Variants in COL4A2 observed in about 807,000 individuals in gnomAD.
The protein encoded by COL4A2 is collagen type IV alpha 2 chain, also known as collagen alpha-2(IV) chain.
COL4A2 carries 99 observed loss-of-function variants against 200.2 expected under a neutral mutation model. The ratio of observed to expected loss-of-function variants is 0.49; its 90% CI spans 0.42 to 0.58. The LOEUF is 0.58. COL4A2 is among the 20% of genes least tolerant of loss of function. The pLI is 0.00. For missense variants in COL4A2, 1,950 were observed against 2,314.1 expected (o/e 0.84, Z 3.23); for synonymous variants, 897 against 900.6 (o/e 1.00, Z 0.07).
intron 4 of COL4A2, among the ~76,000 whole-genome samples, chr13:110,394,501 A>G (rs993255703): frequency 6.6e-6 from 1 of 152,214 alleles, no homozygotes; most frequent in African/African-American, 2.4e-5. Flanking sequence ...CACAGCCACA[A>G]ATCCAAACAT....
intron 4 of COL4A2, among the ~76,000 whole-genome samples, chr13:110,363,873 G>C (rs540133494): frequency 2.6e-5 from 4 of 152,208 alleles, no homozygotes; most frequent in Non-Finnish European, 5.9e-5. Context: ...TGAAATTTTT[G>C]TATTTGTAGT....
At chr13:110,485,868 G>A (rs1361310574) in intron 34 of COL4A2, 32 bp downstream of exon 34, 9 of 1,609,134 alleles carry the variant, frequency 5.6e-6, no homozygotes, top group Non-Finnish European at 7.6e-6. Context: ...CCCTTGTTCT[G>A]TGAGCTCCTC....
intron 3 of COL4A2, among the ~76,000 whole-genome samples, chr13:110,309,834 C>CA (rs111468439): frequency 3.3e-5 from 5 of 151,906 alleles, no homozygotes; most frequent in Admixed American, 6.6e-5. Context: ...TACTAAAATA[C>CA]AAAAAAATCA....
chr13:110,508,271 C>T lies in COL4A2; in HGVS notation c.4881+50C>T. Reference sequence around the variant, plus strand: ...CTCCCCAACCACACCCTGCTGGGGACACAGCAAGAACAGCTGCCTTTGTGA... The same window carrying T: ...CTCCCCAACCACACCCTGCTGGGGATACAGCAAGAACAGCTGCCTTTGTGA... On this transcript the variant is annotated intron_variant, in intron 47 of 47. Transcript: ENST00000360467. The surrounding 1 kb of genome is among the most constrained non-coding windows in gnomAD (Gnocchi z 6.1). 1 of 1,595,286 alleles carries T rather than the reference C, an allele frequency of 6.3e-7. No homozygotes were observed. The highest frequency in any genetic ancestry group is 8.6e-7 in the Non-Finnish European group (1 of 1,167,800).
In COL4A2 at chr13:110,446,114, C is replaced by A. The variant is rs117188196; in HGVS notation, c.1011+232C>A. ...TGCCACTCAGGGCCACGTAGGGGTGCGCTCAGGCACAGAGGAAGCCAGCAG... is the reference window on the plus strand; with the variant it reads ...TGCCACTCAGGGCCACGTAGGGGTGAGCTCAGGCACAGAGGAAGCCAGCAG... On this transcript the variant is annotated intron_variant, in intron 17 of 47. Coordinates refer to ENST00000360467, the MANE Select transcript of COL4A2 (RefSeq NM_001846.4). Among the ~76,000 whole-genome samples, 510 of 152,308 alleles carry A rather than the reference C, an allele frequency of 3.3e-3. 5 individuals carry two copies. The highest frequency in any genetic ancestry group is 0.011 in the African/African-American group (462 of 41,578).
At chr13:110,371,683 G>A (rs1292862200) in intron 4 of COL4A2, among the ~76,000 whole-genome samples, 2 of 152,144 alleles carry the variant, frequency 1.3e-5, no homozygotes, top group Non-Finnish European at 2.9e-5. Context: ...ACCATCAGGC[G>A]CTCTCCACGT....
chr13:110,490,115 C>T (rs548736086), intron 36 of COL4A2, among the ~76,000 whole-genome samples: 3 of 152,268 alleles, frequency 2.0e-5, no homozygotes, highest in South Asian at 4.1e-4. Flanking sequence ...CACCTGAGGG[C>T]GTGCAGCAGG....
At chr13:110,355,759 C>G (rs9521709) in intron 3 of COL4A2, among the ~76,000 whole-genome samples, 7 of 42,294 alleles carry the variant, frequency 1.7e-4, no homozygotes, top group Admixed American at 2.8e-4. Context: ...GAGGGCTGCA[C>G]TAGCTCACCT....
chr13:110,485,522 CAAAAAA>C (rs34819988), intron 33 of COL4A2, 127 bp from the exon 34 acceptor site: 2,352 of 357,354 alleles, frequency 6.6e-3, no homozygotes, highest in South Asian at 9.4e-3. Context: ...GACTCCGTCT[CAAAAAA>C]AAAAAAAAAA....
intron 16 of COL4A2, among the ~76,000 whole-genome samples, chr13:110,445,204 C>T (rs1881275612): frequency 6.6e-6 from 1 of 152,182 alleles, no homozygotes; most frequent in South Asian, 2.1e-4. Context: ...CTTAATGCGT[C>T]TATTTTGGTA....
intron 45 of COL4A2, among the ~76,000 whole-genome samples, chr13:110,505,278 A>G: frequency 6.6e-6 from 1 of 152,014 alleles, no homozygotes; most frequent in East Asian, 1.9e-4. Context: ...TCAACCCAGG[A>G]GGTGGAGGTT....
At chr13:110,476,677 C>T (rs1427812407) in intron 29 of COL4A2, among the ~76,000 whole-genome samples, 2 of 152,220 alleles carry the variant, frequency 1.3e-5, no homozygotes, top group Admixed American at 6.5e-5. Context: ...CAGGAGTGTG[C>T]ACCTCCGGTG....
intron 3 of COL4A2, among the ~76,000 whole-genome samples, chr13:110,356,048 T>G (rs1156619974): frequency 1.3e-5 from 2 of 152,044 alleles, no homozygotes; most frequent in Non-Finnish European, 2.9e-5. Context: ...TCAAAACGTT[T>G]AATACTGTCA....
chr13:110,383,399 T>G (rs536062212), intron 4 of COL4A2, among the ~76,000 whole-genome samples: 1 of 152,356 alleles, frequency 6.6e-6, no homozygotes, highest in South Asian at 2.1e-4. Flanking sequence ...GATTCAGAAA[T>G]TAATCAACTG....
intron 29 of COL4A2, among the ~76,000 whole-genome samples, chr13:110,477,206 GAA>G (rs1882735935): frequency 5.9e-5 from 9 of 152,108 alleles, no homozygotes; most frequent in South Asian, 4.1e-4. Context: ...AAGAAAGAAA[GAA>G]AAGATATGAG....
intron 17 of COL4A2, 61 bp from the exon 18 acceptor site, chr13:110,446,737 G>T: frequency 7.0e-7 from 1 of 1,429,780 alleles, no homozygotes; most frequent in African/African-American, 1.4e-5. Flanking sequence ...GGAAATATGT[G>T]TACTGTCAAA....
At chr13:110,403,618 T>C (rs1196083658) in intron 4 of COL4A2, among the ~76,000 whole-genome samples, 1 of 152,192 alleles carries the variant, frequency 6.6e-6, no homozygotes, top group Non-Finnish European at 1.5e-5. Flanking sequence ...ACAGCCCCCC[T>C]CTTCTTATGA....
chr13:110,316,898 G>A (rs1439242874), intron 3 of COL4A2, among the ~76,000 whole-genome samples: 1 of 152,064 alleles, frequency 6.6e-6, no homozygotes, highest in Non-Finnish European at 1.5e-5. Context: ...ACATAGATAT[G>A]TATATTATAT....
In COL4A2 at chr13:110,485,717, G is replaced by A. The variant is rs747373721; in HGVS notation, c.3088G>A (p.Gly1030Ser). Residue 1030 changes from glycine to serine, a missense_variant, in exon 34 of 48, where the codon GGC becomes AGC. Around this residue, in one of 2 missense-constraint regions of COL4A2, gnomAD observed 1,385 missense variants for 1,720.5 expected, o/e 0.80. Coordinates refer to ENST00000360467, the MANE Select transcript of COL4A2 (RefSeq NM_001846.4). ...AATCCCTGGGCTGCCTGGGAGGCCC[G>A]GCCACATCAAAGGAGTCAAGGGAGA... ...SGIPGLPGRP[G>S]HIKGVKGDIG... The A allele has an allele frequency of 8.7e-6, 14 of 1,613,510 alleles. No individual in the cohort carries two copies. Among genetic ancestry groups the A allele is most frequent in the East Asian group, 4.5e-5 (2 of 44,874 alleles).
Sources: allele counts gnomAD v4.1 joint callset (sites outside exome capture counted in the v4.1 genomes callset), GRCh38; gene constraint gnomAD v4.1.1; regional missense constraint gnomAD v4.1.1; non-coding constraint Gnocchi (gnomAD v3.1); transcripts MANE v1.5; gene names NCBI Gene and HGNC (gene_info 2026-07-23, HGNC 2026-07-21).